Variants in SP1 observed in about 807,000 individuals in gnomAD.
SP1 encodes the protein transcription factor Sp1.
A neutral mutation model predicts 66.3 loss-of-function variants in SP1; 6 were observed. The observed-to-expected ratio is 0.09, with a 90% CI of 0.05 to 0.18. The LOEUF is 0.18. Among genes scored for constraint, SP1 ranks in the 10% least tolerant of loss-of-function variants. The pLI is 1.00. For missense variants in SP1, 848 were observed against 964.5 expected (o/e 0.88, Z 1.60); for synonymous variants, 417 against 360.8 (o/e 1.16, Z -1.77).
At chr12:53,384,054 C>T (rs1276220822) in intron 3 of SP1, among the ~76,000 whole-genome samples, 3 of 150,948 alleles carry the variant, frequency 2.0e-5, no homozygotes, top group African/African-American at 7.3e-5. Context: ...ACTGCAAGCT[C>T]CGCCTCCCAG....
chr12:53,408,823 G>A (rs1226135285), intron 4 of SP1, among the ~76,000 whole-genome samples: 3 of 147,520 alleles, frequency 2.0e-5, no homozygotes, highest in Non-Finnish European at 3.0e-5. Flanking sequence ...GGAGAATGGC[G>A]TGAACCCGGG....
chr12:53,400,547 G>T (rs1483434960), intron 3 of SP1, among the ~76,000 whole-genome samples: 1 of 152,006 alleles, frequency 6.6e-6, no homozygotes, highest in Non-Finnish European at 1.5e-5. Context: ...GAGTTACTGG[G>T]TTAGATTCAG....
intron 3 of SP1, among the ~76,000 whole-genome samples, chr12:53,402,732 C>G (rs762253576): frequency 7.4e-6 from 1 of 135,634 alleles, no homozygotes; most frequent in Admixed American, 8.3e-5. Context: ...TTTGGGAGGT[C>G]GAGGCGGGCG....
intron 4 of SP1, among the ~76,000 whole-genome samples, chr12:53,407,512 G>C (rs1333899884): frequency 1.3e-5 from 2 of 151,766 alleles, no homozygotes. Context: ...TTTTAATAGA[G>C]ACAGGGTTTC....
chr12:53,410,773 G>A (rs753606792), intron 5 of SP1, among the ~76,000 whole-genome samples, 154 bp from the exon 6 acceptor site: 29 of 152,288 alleles, frequency 1.9e-4, no homozygotes, highest in Middle Eastern at 3.4e-3. Context: ...GATTACAAGC[G>A]TGAGCCACCA....
intron 3 of SP1, among the ~76,000 whole-genome samples, chr12:53,386,453 C>T (rs149031257): frequency 1.6e-3 from 231 of 148,858 alleles, no homozygotes; most frequent in African/African-American, 5.3e-3. Flanking sequence ...AAACAGTAAA[C>T]AGATGTAAGT....
At position 53,416,203 on chromosome 12, in the gene SP1, T is replaced by C. The variant is rs961708624; in HGVS notation, c.*4963T>C. The C allele has an allele frequency of 2.0e-5, 3 of 153,234 alleles. No individual in the cohort carries two copies. The highest frequency in any genetic ancestry group is 6.5e-5 in the Admixed American group (1 of 15,288). 9.5% of individuals were successfully genotyped at this position (153,234 alleles called of 1,614,324 possible). ...GGCTGTGTGGGTAAATGCTTTTAAA[T>C]GCTCTCTCATCTTGTTCTTCCCCCT... On this transcript the variant is annotated 3_prime_UTR_variant, in exon 6 of 6. Transcript: ENST00000327443.
At chr12:53,384,032 C>T (rs564295836) in intron 3 of SP1, among the ~76,000 whole-genome samples, 149 of 143,844 alleles carry the variant, frequency 1.0e-3, no homozygotes, top group African/African-American at 3.2e-3. Context: ...TGCAGTGGCG[C>T]GATCTCGGCT....
chr12:53,406,065 C>CTTTTTTT (rs1170832065), intron 3 of SP1, among the ~76,000 whole-genome samples: 29 of 82,414 alleles, frequency 3.5e-4, no homozygotes, highest in South Asian at 4.9e-4. Flanking sequence ...TATTTTCTTT[C>CTTTTTTT]TTTTTTTTTT....
At chr12:53,394,645 C>A (rs1488432355) in intron 3 of SP1, among the ~76,000 whole-genome samples, 1 of 118,280 alleles carries the variant, frequency 8.5e-6, no homozygotes, top group African/African-American at 3.4e-5. Context: ...GACGCAGTCT[C>A]GCTCTGTTGT....
At chr12:53,393,246 C>T (rs998890655) in intron 3 of SP1, among the ~76,000 whole-genome samples, 2 of 152,192 alleles carry the variant, frequency 1.3e-5, no homozygotes, top group Admixed American at 1.3e-4. Context: ...CCCAGAAGTT[C>T]GAAACCAACC....
At chr12:53,405,723 G>A (rs1157331560) in intron 3 of SP1, among the ~76,000 whole-genome samples, 1 of 150,950 alleles carries the variant, frequency 6.6e-6, no homozygotes, top group Non-Finnish European at 1.5e-5. Context: ...GGGAGGGAGG[G>A]AAGGAAGAGA....
At chr12:53,385,750 T>TA (rs1938213811) in intron 3 of SP1, among the ~76,000 whole-genome samples, 1 of 150,962 alleles carries the variant, frequency 6.6e-6, no homozygotes, top group Non-Finnish European at 1.5e-5. Context: ...CCGTCTCTAC[T>TA]AAAAATACAA....
rs1321123643 is a variant in SP1 at position 53,394,903 on chromosome 12, C to T, written c.1675+11281C>T. Among the ~76,000 whole-genome samples, 15 of 151,778 alleles carry T rather than the reference C, an allele frequency of 9.9e-5. No individual in the cohort carries two copies. In the East Asian group the frequency reaches 1.6e-3, roughly 16 times the overall value. On this transcript the variant is annotated intron_variant, in intron 3 of 5. Transcript: ENST00000327443. ...TGCCAGGATTACAGATGTGAGCCAC[C>T]GCGCCAGGCTGGAGATAAGGTCTTT...
At position 53,388,436 on chromosome 12, in the gene SP1, T is replaced by C. The variant is rs932204912; in HGVS notation, c.1675+4814T>C. Among the ~76,000 whole-genome samples, 4 of 152,278 alleles carry C rather than the reference T, an allele frequency of 2.6e-5. No homozygotes were observed. In the East Asian group the frequency reaches 5.8e-4, roughly 22 times the overall value. On this transcript the variant is annotated intron_variant, in intron 3 of 5. Coordinates refer to ENST00000327443, the MANE Select transcript of SP1 (RefSeq NM_138473.3). ...GAGCTGAAGAAAATGCGTGTGTGTT[T>C]CTGTAAGGTAAGAGGAGCTTGACAT... is the stretch of plus-strand genomic sequence containing the variant.
In SP1 at chr12:53,409,482, A is replaced by C. The variant is rs1938830294; in HGVS notation, c.1965A>C (p.Pro655=). ...TGCGCTGGCATACAGGCGAGAGGCC[A>C]TTTATGTGTACCTGGTCATACTGTG... is the stretch of plus-strand genomic sequence containing the variant. ...AHLRWHTGER[P]FMCTWSYCGK... Residue 655 remains proline (P), a synonymous_variant, in exon 5 of 6, where the codon CCA becomes CCC. Transcript: ENST00000327443. 1 of 1,614,096 alleles carries C rather than the reference A, an allele frequency of 6.2e-7. No individual in the cohort carries two copies. The highest frequency in any genetic ancestry group is 1.3e-5 in the African/African-American group (1 of 74,934).
At chr12:53,392,449 C>G (rs889156590) in intron 3 of SP1, among the ~76,000 whole-genome samples, 1 of 147,708 alleles carries the variant, frequency 6.8e-6, no homozygotes, top group African/African-American at 2.5e-5. Flanking sequence ...CTCCGCCTCC[C>G]GGGTTCACGC....
At chr12:53,380,707 TC>T (rs1938069543) in intron 1 of SP1, 9 of 944,228 alleles carry the variant, frequency 9.5e-6, no homozygotes, top group Non-Finnish European at 1.1e-5. Context: ...TCCAAGGCCC[TC>T]CTCCCCCCAC....
chr12:53,400,354 T>G lies in SP1; in HGVS notation c.1676-6231T>G, dbSNP rs571686122. Among the ~76,000 whole-genome samples the G allele has an allele frequency of 1.2e-4, 19 of 152,338 alleles. No individual in the cohort carries two copies. In the South Asian group the frequency reaches 3.5e-3, roughly 28 times the overall value. ...GTAGCATGTGTTAGTACTCTTTTTT[T>G]TATTGCCAAATAATATTTCATTGTG... On this transcript the variant is annotated intron_variant, in intron 3 of 5. Coordinates refer to ENST00000327443, the MANE Select transcript of SP1 (RefSeq NM_138473.3).
Sources: allele counts gnomAD v4.1 joint callset (sites outside exome capture counted in the v4.1 genomes callset), GRCh38; gene constraint gnomAD v4.1.1; transcripts MANE v1.5; gene names NCBI Gene and HGNC (gene_info 2026-07-23, HGNC 2026-07-21).